Variants in COL11A1 observed in about 807,000 individuals in gnomAD.
COL11A1 encodes the protein collagen type XI alpha 1 chain, also known as collagen alpha-1(XI) chain.
Under a neutral mutation model 265.2 loss-of-function variants are expected in COL11A1, and 74 were observed. The ratio of observed to expected loss-of-function variants is 0.28; its 90% CI spans 0.23 to 0.34. The LOEUF is 0.34. COL11A1 is among the 10% of genes least tolerant of loss of function. COL11A1 has a pLI of 1.00. For synonymous variants in COL11A1, 816 were observed against 727.6 expected, an observed-to-expected ratio of 1.12 and a Z score of -1.96; for missense variants, 2,165 against 2,263.6, an observed-to-expected ratio of 0.96 and a Z score of 0.88.
At chr1:102,977,434 T>A (rs934197229) in intron 35 of COL11A1, among the ~76,000 whole-genome samples, 14 of 152,144 alleles carry the variant, frequency 9.2e-5, no homozygotes, top group Admixed American at 9.2e-4. Flanking sequence ...AAAGTGTTTT[T>A]AAAAGTAATC....
At chr1:103,003,850 A>T (rs1181346147) in intron 20 of COL11A1, among the ~76,000 whole-genome samples, 1 of 152,154 alleles carries the variant, frequency 6.6e-6, no homozygotes, top group Non-Finnish European at 1.5e-5. Context: ...CCTTCTTTAG[A>T]AAAGCCAATA....
chr1:103,053,105 T>G (rs1288292509), intron 4 of COL11A1, among the ~76,000 whole-genome samples: 1 of 152,218 alleles, frequency 6.6e-6, no homozygotes, highest in Middle Eastern at 3.2e-3. Context: ...TTGCCGGCAG[T>G]AGCTAATCCA....
chr1:102,885,325 A>T (rs1320506), intron 63 of COL11A1, among the ~76,000 whole-genome samples: 1 of 151,970 alleles, frequency 6.6e-6, no homozygotes, highest in Non-Finnish European at 1.5e-5. Flanking sequence ...GAATCGAATT[A>T]TTTCTACCTT....
intron 1 of COL11A1, among the ~76,000 whole-genome samples, chr1:103,098,099 T>C (rs964362726): frequency 6.6e-6 from 1 of 151,952 alleles, no homozygotes. Context: ...AAAACTAAAA[T>C]TATACTTCCA....
chr1:103,026,337 A>G lies in COL11A1; in HGVS notation c.781-5T>C. ...GATTATATCCTCTGGTGCATACTAC[A>G]TTGCAAAGGAAAAAATATCAGGCAA... On this transcript the variant is annotated splice_polypyrimidine_tract_variant and splice_region_variant and intron_variant, in intron 5 of 66. Coordinates refer to ENST00000370096, the MANE Select transcript of COL11A1 (RefSeq NM_001854.4). 3.8e-6 allele frequency: 6 copies of G among 1,581,686 alleles called. No homozygotes were observed. In the East Asian group the frequency reaches 6.7e-5, roughly 18 times the overall value.
chr1:103,082,795 G>A lies in COL11A1; in HGVS notation c.274+10C>T. 6.2e-7 allele frequency: 1 copy of A among 1,606,286 alleles called. No individual in the cohort carries two copies. On this transcript the variant is annotated intron_variant, in intron 2 of 66. Transcript: ENST00000370096. ...TAATAATAACAATAATAATAATAAAGTGAATATACCTGGAAATAACTGTTT... is the reference window on the plus strand; with the variant it reads ...TAATAATAACAATAATAATAATAAAATGAATATACCTGGAAATAACTGTTT...
intron 54 of COL11A1, among the ~76,000 whole-genome samples, chr1:102,902,609 A>G (rs955581541): frequency 2.6e-5 from 4 of 151,940 alleles, no homozygotes; most frequent in African/African-American, 9.7e-5. Flanking sequence ...GTGATTCTCA[A>G]ATTAAATGCA....
At chr1:103,036,653 G>A (rs896344724) in intron 4 of COL11A1, among the ~76,000 whole-genome samples, 6 of 151,574 alleles carry the variant, frequency 4.0e-5, no homozygotes, top group East Asian at 1.9e-4. Flanking sequence ...TATGTTAATC[G>A]TATGACATGT....
At chr1:103,025,657 T>C (rs1390079403) in intron 6 of COL11A1, 44 bp from the exon 7 acceptor site, 2 of 1,579,914 alleles carry the variant, frequency 1.3e-6, no homozygotes, top group Non-Finnish European at 1.7e-6. Context: ...TGTAAGGTGA[T>C]CCCAAATGTA....
At chr1:103,072,080 C>T (rs1056721604) in intron 4 of COL11A1, among the ~76,000 whole-genome samples, 2 of 151,804 alleles carry the variant, frequency 1.3e-5, no homozygotes, top group Admixed American at 1.3e-4. Flanking sequence ...AATTCATATA[C>T]TCACTCTGCT....
intron 58 of COL11A1, 76 bp from the exon 59 acceptor site, chr1:102,889,638 A>C (rs1651494212): frequency 9.5e-7 from 1 of 1,052,542 alleles, no homozygotes; most frequent in East Asian, 2.6e-5. Context: ...AAATATTTGC[A>C]CATTAAATTT....
chr1:102,926,370 C>CAT (rs1214310201), intron 46 of COL11A1, among the ~76,000 whole-genome samples: 9 of 149,762 alleles, frequency 6.0e-5, no homozygotes, highest in African/African-American at 1.5e-4. Flanking sequence ...TCTCTCACTC[C>CAT]ATATATGTGT....
At chr1:103,004,311 T>G (rs1665397404) in intron 20 of COL11A1, 133 bp downstream of exon 20, 1 of 668,152 alleles carries the variant, frequency 1.5e-6, no homozygotes, top group African/African-American at 1.8e-5. Context: ...TTTTTTCGCA[T>G]GGCAATTATC....
chr1:102,935,105 G>A lies in COL11A1; in HGVS notation c.3447C>T (p.Pro1149=), dbSNP rs141432979. ...CTGGTCCTTGAAGACCTGGGGGACC[G>A]GGAGGGCCCTGCAGTGAGATAAAAA... ...SKGDKGENGP[P]GPPGLQGPVG... The change falls in exon 45 of 67, where the codon CCC becomes CCT. Residue 1149 remains proline, a synonymous_variant. Transcript: ENST00000370096. 5.9e-5 allele frequency: 95 copies of A among 1,613,774 alleles called. No homozygotes were observed. The African/African-American group carries it at 6.1e-4, about 10-fold the overall frequency.
chr1:103,007,647 C>T (rs1158909251), intron 15 of COL11A1, among the ~76,000 whole-genome samples: 1 of 152,070 alleles, frequency 6.6e-6, no homozygotes, highest in Non-Finnish European at 1.5e-5. Context: ...TGCTTGAGCT[C>T]AGGAGTTTGA....
At chr1:103,102,666 T>G (rs1674375649) in intron 1 of COL11A1, among the ~76,000 whole-genome samples, 1 of 152,036 alleles carries the variant, frequency 6.6e-6, no homozygotes, top group Admixed American at 6.6e-5. Flanking sequence ...TTCTGGCTTT[T>G]AAATACCTAA....
chr1:102,900,797 T>C (rs1013551630), intron 54 of COL11A1, among the ~76,000 whole-genome samples: 2 of 152,222 alleles, frequency 1.3e-5, no homozygotes, highest in Non-Finnish European at 2.9e-5. Context: ...CTTCCTTCTG[T>C]GAACAAATAT....
At chr1:102,982,873 C>G (rs1439874733) in intron 31 of COL11A1, among the ~76,000 whole-genome samples, 1 of 152,036 alleles carries the variant, frequency 6.6e-6, no homozygotes, top group Non-Finnish European at 1.5e-5. Context: ...TGAATAGACA[C>G]ACGTTTAAGA....
rs553326209 is a variant in COL11A1 at position 102,935,410 on chromosome 1, C to T, written c.3439-297G>A. 7.2e-5 allele frequency among the ~76,000 whole-genome samples: 11 copies of T among 152,084 alleles called. No homozygotes were observed. In the East Asian group the frequency reaches 1.5e-3, roughly 21 times the overall value. On this transcript the variant is annotated intron_variant, in intron 44 of 66. Coordinates refer to ENST00000370096, the MANE Select transcript of COL11A1 (RefSeq NM_001854.4). The stretch of plus-strand genomic sequence containing the variant: ...CTATCAGACATCAAGTTGTAAGATT[C>T]GCATTTGAAAATTTTCAAAGTATCA...
Sources: gnomAD v4.1 joint callset for allele counts (sites outside exome capture counted in the v4.1 genomes callset) on GRCh38, gnomAD v4.1.1 for gene constraint, MANE v1.5 for transcripts, NCBI Gene and HGNC (gene_info 2026-07-23, HGNC 2026-07-21) for gene names.